The following CFAP65 variants were observed in gnomAD, a reference collection of about 807,000 sequenced individuals.
CFAP65 encodes the protein cilia and flagella associated protein 65, also known as cilia- and flagella-associated protein 65.
Under a neutral mutation model 208.0 loss-of-function variants are expected in CFAP65, and 155 were observed. The ratio of observed to expected loss-of-function variants is 0.75; its 90% CI spans 0.65 to 0.85. CFAP65 has a LOEUF of 0.85. CFAP65 is among the 40% of genes least tolerant of loss of function. The pLI, the probability that CFAP65 is intolerant of heterozygous loss-of-function variation, is 0.00. For synonymous variants in CFAP65, 970 were observed against 986.3 expected (o/e 0.98, Z 0.31); for missense variants, 2,294 against 2,451.3 (o/e 0.94, Z 1.36).
rs189866065 is a variant in CFAP65 at position 219,013,943 on chromosome 2, T to C, written c.3704A>G (p.Asn1235Ser). The C allele has an allele frequency of 2.6e-5, 42 of 1,613,944 alleles. No homozygotes were observed. The African/African-American group carries it at 4.3e-4, about 16-fold the overall frequency. Residue 1235 changes from asparagine to serine, a missense_variant, in exon 22 of 35, where the codon AAT (asparagine) becomes AGT (serine). Asn to Ser is a conservative substitution (Grantham distance 46). Around this residue, in one of 2 missense-constraint regions of CFAP65, gnomAD observed 1,427 missense variants for 1,438.7 expected, o/e 0.99. Transcript: ENST00000341552. ...TELHQMRVQD[N>S]CLFSISPKAG... ...CTTGGGGCTGATGGAGAAGAGGCAATTGTCCTGCACGCGCATCTGGTGGAG... is the reference window on the plus strand; with the variant it reads ...CTTGGGGCTGATGGAGAAGAGGCAACTGTCCTGCACGCGCATCTGGTGGAG...
chr2:219,011,435 C>G (rs574552324), intron 24 of CFAP65, among the ~76,000 whole-genome samples: 2 of 151,954 alleles, frequency 1.3e-5, no homozygotes, highest in Non-Finnish European at 2.9e-5. Flanking sequence ...CTACCACACA[C>G]AGCTGCTTCA....
chr2:219,036,419 C>A (rs56034752), intron 4 of CFAP65, among the ~76,000 whole-genome samples: 25,942 of 151,642 alleles, frequency 0.17, 3,031 homozygotes, highest in African/African-American at 0.34. Context: ...CACTGCCATG[C>A]GCACTCAACT....
rs148965868 is a variant in CFAP65, at chr2:219,029,564, C to A, written c.1489G>T (p.Ala497Ser). 1 of 1,614,120 alleles carries A rather than the reference C, an allele frequency of 6.2e-7. No individual in the cohort carries two copies. Among genetic ancestry groups the A allele is most frequent in the Non-Finnish European group, 8.5e-7 (1 of 1,180,018 alleles). ...CAGTCGATGGCAAACTGGAAGTGGG[C>A]CGTGCAGTCCGATTGGTTCTCAATC... ...LWIENQSDCT[A>S]HFQFAIDCLE... is the part of the protein sequence containing the mutation. Residue 497 changes from alanine to serine, a missense_variant, in exon 11 of 35, where the codon GCC becomes TCC. By Grantham distance (99) the Ala-to-Ser change is moderately conservative. Coordinates refer to ENST00000341552, the MANE Select transcript of CFAP65 (RefSeq NM_194302.4).
chr2:219,018,065 C>T (rs187028286), intron 21 of CFAP65, among the ~76,000 whole-genome samples: 30 of 152,256 alleles, frequency 2.0e-4, no homozygotes, highest in African/African-American at 6.7e-4. Context: ...GCAGACCCCA[C>T]CCCTCTCACT....
In CFAP65 at chr2:219,009,459, A is replaced by T. The variant is rs746592778; in HGVS notation, c.4454T>A (p.Val1485Glu). The change falls in exon 28 of 35, where the codon GTG becomes GAG. Residue 1485 changes from valine to glutamate, a missense_variant and splice_region_variant. This residue lies in a region of CFAP65 where 1,427 missense variants were observed against 1,438.7 expected (regional missense o/e 0.99). Coordinates refer to ENST00000341552, the MANE Select transcript of CFAP65 (RefSeq NM_194302.4). The part of the protein sequence containing the change: ...WQPSPLDFGE[V>E]SVSPMIGVVA... ...CACCCCTATCATGGGACTCACAGAC[A>T]CCTGTTGATTTGGGGAAGGAGTCTC... 2 of 1,606,298 alleles carry T rather than the reference A, an allele frequency of 1.2e-6. No homozygotes were observed. The highest frequency in any genetic ancestry group is 2.2e-5 in the South Asian group (2 of 90,952).
At chr2:219,017,478 C>T (rs898858095) in intron 21 of CFAP65, among the ~76,000 whole-genome samples, 9 of 152,168 alleles carry the variant, frequency 5.9e-5, no homozygotes, top group Non-Finnish European at 1.2e-4. Context: ...TCAGAAGAGA[C>T]GGACTAGAAT....
At chr2:219,027,141 C>T (rs923319147) in intron 13 of CFAP65, 18 of 1,131,862 alleles carry the variant, frequency 1.6e-5, no homozygotes, top group Admixed American at 4.5e-5. Flanking sequence ...GGAGGGGGCA[C>T]CACGCATCTG....
rs898450242 is a variant in CFAP65 at position 219,032,014 on chromosome 2, G to A, written c.646-356C>T. On this transcript the variant is annotated intron_variant, in intron 6 of 34. Coordinates refer to ENST00000341552, the MANE Select transcript of CFAP65 (RefSeq NM_194302.4). This position sits in a 1 kb window ranked among gnomAD's most constrained non-coding sequence, Gnocchi z 5.5. ...CAGCTCACTGCAACAGCCGCCTCCC[G>A]GTTCAAGTGATTCTGCTGCCTCAGC... 2.7e-5 allele frequency among the ~76,000 whole-genome samples: 4 copies of A among 150,180 alleles called. No individual in the cohort carries two copies. The highest frequency in any genetic ancestry group is 7.3e-5 in the African/African-American group (3 of 40,922).
intron 31 of CFAP65, among the ~76,000 whole-genome samples, chr2:219,005,766 T>A (rs901501919): frequency 6.6e-6 from 1 of 151,952 alleles, no homozygotes; most frequent in Non-Finnish European, 1.5e-5. Flanking sequence ...AGACTCCCAG[T>A]TGGAAAAAGA....
chr2:219,025,920 T>A, intron 14 of CFAP65, 102 bp downstream of exon 14: 1 of 1,423,984 alleles, frequency 7.0e-7, no homozygotes, highest in Non-Finnish European at 9.7e-7. Context: ...GGTGCAAAGA[T>A]GTGTTTCTGA....
intron 9 of CFAP65, 36 bp downstream of exon 9, chr2:219,030,653 G>A (rs1325783989): frequency 1.9e-6 from 3 of 1,601,510 alleles, no homozygotes; most frequent in East Asian, 2.2e-5. Flanking sequence ...AATCCTGGGG[G>A]CGTGAGTCCT....
At position 219,031,438 on chromosome 2, in the gene CFAP65, A is replaced by G. The variant is rs760781165; in HGVS notation, c.815+51T>C. 3 of 1,611,200 alleles carry G rather than the reference A, an allele frequency of 1.9e-6. No homozygotes were observed. The highest frequency in any genetic ancestry group is 2.5e-6 in the Non-Finnish European group (3 of 1,178,830). ...ATGCCTGTCTCTCCTGCTTCCAGAC[A>G]CCCTCCTCACAGCTCTTGCTCTCCC... On this transcript the variant is annotated intron_variant, in intron 7 of 34. Coordinates refer to ENST00000341552, the MANE Select transcript of CFAP65 (RefSeq NM_194302.4). The surrounding 1 kb of genome is among the most constrained non-coding windows in gnomAD (Gnocchi z 5.2).
intron 14 of CFAP65, 85 bp downstream of exon 14, chr2:219,025,937 C>G (rs1947599224): frequency 1.3e-6 from 2 of 1,527,878 alleles, no homozygotes; most frequent in African/African-American, 2.7e-5. Flanking sequence ...CTGAGGCCAT[C>G]AGAGAATGGG....
chr2:219,010,455 C>T, intron 26 of CFAP65, 91 bp downstream of exon 26: 1 of 1,368,176 alleles, frequency 7.3e-7, no homozygotes, highest in Non-Finnish European at 1.0e-6. Context: ...ATCTCATGTC[C>T]CTCCCAGCCT....
rs376171098 is a variant in CFAP65, at chr2:219,037,481, A to G, written c.357+894T>C. On this transcript the variant is annotated intron_variant, in intron 4 of 34. Coordinates refer to ENST00000341552, the MANE Select transcript of CFAP65 (RefSeq NM_194302.4). ...TGAAGGAACCTGGGAGTTGGCAACA[A>G]GAAGCTGCCACCGCACCTAGGTTAG... Among the ~76,000 whole-genome samples, 81 of 152,340 alleles carry G rather than the reference A, an allele frequency of 5.3e-4. No homozygotes were observed. The South Asian group carries it at 5.8e-3, about 11-fold the overall frequency.
At chr2:219,029,348 G>C in intron 11 of CFAP65, 55 bp downstream of exon 11, 1 of 1,568,562 alleles carries the variant, frequency 6.4e-7, no homozygotes, top group Non-Finnish European at 8.7e-7. Context: ...GTCATCATCA[G>C]TGGGCCCCAG....
chr2:219,008,256 G>A (rs1260605315), intron 29 of CFAP65, among the ~76,000 whole-genome samples: 1 of 152,206 alleles, frequency 6.6e-6, no homozygotes, highest in Admixed American at 6.5e-5. Flanking sequence ...GGTCCCAGCT[G>A]TGCCCCACCT....
Position 219,013,543 on chromosome 2 carries a change from C to T in CFAP65, c.3822G>A (p.Lys1274=), listed in dbSNP as rs1238502594. ...CCAGGATCTCCCGGCCATGGGACACCTTGAAGAGCACTGGGAGGTGATCAG... is the reference window on the plus strand; with the variant it reads ...CCAGGATCTCCCGGCCATGGGACACTTTGAAGAGCACTGGGAGGTGATCAG... ...IGTDHLPVLF[K]VSHGREILLN... The change falls in exon 23 of 35, where the codon AAG becomes AAA. Residue 1274 remains lysine (K), a synonymous_variant. Coordinates refer to ENST00000341552, the MANE Select transcript of CFAP65 (RefSeq NM_194302.4). 6.2e-7 allele frequency: 1 copy of T among 1,601,348 alleles called. No individual in the cohort carries two copies.
Position 219,012,231 on chromosome 2 carries a change from T to C in CFAP65, c.3957+1028A>G, listed in dbSNP as rs1574546755. Among the ~76,000 whole-genome samples the C allele has an allele frequency of 2.0e-5, 3 of 152,376 alleles. 1 individual carries two copies. Among genetic ancestry groups the C allele is most frequent in the Non-Finnish European group, 1.5e-5 (1 of 68,034 alleles). On this transcript the variant is annotated intron_variant, in intron 24 of 34. Coordinates refer to ENST00000341552, the MANE Select transcript of CFAP65 (RefSeq NM_194302.4). ...TAGCAGCCAGAATGGACTAAGACACTTGGTGTCCACCTTCTACCTGACAAG... is the reference window on the plus strand; with the variant it reads ...TAGCAGCCAGAATGGACTAAGACACCTGGTGTCCACCTTCTACCTGACAAG...
Sources: gnomAD v4.1 joint callset for allele counts (sites outside exome capture counted in the v4.1 genomes callset) on GRCh38, gnomAD v4.1.1 for gene constraint, gnomAD v4.1.1 regional missense constraint, Gnocchi (gnomAD v3.1) non-coding constraint, MANE v1.5 for transcripts, NCBI Gene and HGNC (gene_info 2026-07-23, HGNC 2026-07-21) for gene names.